SKAP2: variants seen among roughly 807,000 people sequenced by gnomAD.
SKAP2 encodes src kinase associated phosphoprotein 2, also known as src kinase-associated phosphoprotein 2.
A neutral mutation model predicts 54.9 loss-of-function variants in SKAP2; 28 were observed. The ratio of observed to expected loss-of-function variants is 0.51; its 90% confidence interval spans 0.38 to 0.70. The LOEUF (loss-of-function observed/expected upper bound fraction) is 0.70, where lower values mean the gene tolerates loss of function less well. Among genes scored for constraint, SKAP2 ranks in the 30% least tolerant of loss-of-function variants. SKAP2 has a pLI of 0.00. For synonymous variants in SKAP2, 137 were observed against 134.3 expected (o/e 1.02, Z -0.14); for missense variants, 356 against 424.1 (o/e 0.84, Z 1.41).
intron 6 of SKAP2, among the ~76,000 whole-genome samples, chr7:26,728,104 G>A (rs976604364): frequency 2.6e-5 from 4 of 152,000 alleles, no homozygotes; most frequent in Non-Finnish European, 5.9e-5. Flanking sequence ...CTCAGTTCCT[G>A]GGAAACTCTA....
intron 4 of SKAP2, among the ~76,000 whole-genome samples, chr7:26,831,107 C>G (rs987928410): frequency 6.6e-6 from 1 of 152,014 alleles, no homozygotes; most frequent in Non-Finnish European, 1.5e-5. Flanking sequence ...TAATGCAGTC[C>G]AAACTCATTC....
At chr7:26,691,969 G>C (rs890245753) in intron 9 of SKAP2, among the ~76,000 whole-genome samples, 3 of 152,044 alleles carry the variant, frequency 2.0e-5, no homozygotes, top group Non-Finnish European at 4.4e-5. Context: ...AAGAGCCTTC[G>C]AAGGTTTTTT....
chr7:26,766,770 T>C (rs1783066115), intron 4 of SKAP2, among the ~76,000 whole-genome samples: 1 of 152,216 alleles, frequency 6.6e-6, no homozygotes, highest in Non-Finnish European at 1.5e-5. Context: ...TGGATTATGT[T>C]TATTGATTTG....
At chr7:26,845,622 T>C (rs1784905001) in intron 3 of SKAP2, among the ~76,000 whole-genome samples, 1 of 152,204 alleles carries the variant, frequency 6.6e-6, no homozygotes, top group African/African-American at 2.4e-5. Flanking sequence ...TCCCTTACAA[T>C]ATTTCTCTTA....
chr7:26,683,223 C>G (rs1192794913), intron 11 of SKAP2, among the ~76,000 whole-genome samples: 2 of 152,192 alleles, frequency 1.3e-5, no homozygotes, highest in African/African-American at 4.8e-5. Context: ...GGAGCTGAAA[C>G]TAATCAGTTT....
At chr7:26,758,348 T>C (rs559813679) in intron 4 of SKAP2, among the ~76,000 whole-genome samples, 1 of 152,318 alleles carries the variant, frequency 6.6e-6, no homozygotes, top group Non-Finnish European at 1.5e-5. Flanking sequence ...ATTAAAATCA[T>C]AGCCAGAAAA....
chr7:26,728,504 T>C (rs1347517393), intron 6 of SKAP2, among the ~76,000 whole-genome samples: 1 of 152,094 alleles, frequency 6.6e-6, no homozygotes, highest in Non-Finnish European at 1.5e-5. Flanking sequence ...TAGGAAACTA[T>C]TGGGAAAAAA....
chr7:26,750,748 A>C (rs939202393), intron 4 of SKAP2, among the ~76,000 whole-genome samples: 1 of 152,178 alleles, frequency 6.6e-6, no homozygotes, highest in Non-Finnish European at 1.5e-5. Flanking sequence ...CAAATTAGTA[A>C]TGGGGAAAAT....
intron 4 of SKAP2, among the ~76,000 whole-genome samples, chr7:26,836,783 T>C (rs1213219752): frequency 6.6e-6 from 1 of 152,178 alleles, no homozygotes; most frequent in Non-Finnish European, 1.5e-5. Flanking sequence ...GTGTGACGAT[T>C]CCTCAAGGAT....
intron 1 of SKAP2, chr7:26,857,413 T>A: frequency 1.0e-6 from 1 of 981,790 alleles, no homozygotes; most frequent in Non-Finnish European, 1.2e-6. Flanking sequence ...TTTTTAAGCT[T>A]TTGAAATCTA....
intron 4 of SKAP2, among the ~76,000 whole-genome samples, chr7:26,763,877 G>A (rs2127971949): frequency 6.6e-6 from 1 of 152,072 alleles, no homozygotes; most frequent in Admixed American, 6.6e-5. Flanking sequence ...GTAACACAAT[G>A]GTAACTACTT....
intron 9 of SKAP2, among the ~76,000 whole-genome samples, chr7:26,710,696 C>A (rs1456675255): frequency 1.3e-5 from 2 of 152,146 alleles, no homozygotes; most frequent in Admixed American, 6.5e-5. Context: ...GTAACAAATA[C>A]GCATTTTATC....
chr7:26,689,185 C>T (rs561697843), intron 10 of SKAP2, among the ~76,000 whole-genome samples: 26 of 152,222 alleles, frequency 1.7e-4, no homozygotes, highest in Admixed American at 5.9e-4. Flanking sequence ...CTTGTCCACC[C>T]GGCCTTGACA....
At chr7:26,743,381 C>T (rs778954257) in intron 4 of SKAP2, among the ~76,000 whole-genome samples, 3 of 152,026 alleles carry the variant, frequency 2.0e-5, no homozygotes, top group African/African-American at 7.2e-5. Flanking sequence ...GAAAGTTAAT[C>T]AGAAATGAAA....
At chr7:26,712,299 T>C (rs1315258017) in intron 9 of SKAP2, among the ~76,000 whole-genome samples, 2 of 152,228 alleles carry the variant, frequency 1.3e-5, no homozygotes, top group Admixed American at 1.3e-4. Context: ...AAATTAGGAA[T>C]ATTCAATCTG....
chr7:26,758,646 A>C (rs897965981), intron 4 of SKAP2, among the ~76,000 whole-genome samples: 13 of 152,182 alleles, frequency 8.5e-5, no homozygotes, highest in African/African-American at 3.1e-4. Flanking sequence ...CAACTCACTG[A>C]AAAGCTTTCC....
At chr7:26,785,563 G>A (rs1783527681) in intron 4 of SKAP2, among the ~76,000 whole-genome samples, 1 of 152,046 alleles carries the variant, frequency 6.6e-6, no homozygotes, top group Admixed American at 6.5e-5. Context: ...ATAAATGGAG[G>A]CCCACAGAGC....
intron 4 of SKAP2, among the ~76,000 whole-genome samples, chr7:26,816,391 G>T (rs945354944): frequency 1.3e-5 from 2 of 151,898 alleles, no homozygotes; most frequent in Non-Finnish European, 2.9e-5. Flanking sequence ...AATACATACA[G>T]CTGTTTTGTA....
At chr7:26,842,817 GCT>G (rs1380132329) in intron 4 of SKAP2, among the ~76,000 whole-genome samples, 6 of 151,846 alleles carry the variant, frequency 4.0e-5, no homozygotes, top group African/African-American at 1.4e-4. Flanking sequence ...AAAGGGTAAT[GCT>G]CTGTTTTGGT....
Sources: gnomAD v4.1 joint callset for allele counts (sites outside exome capture counted in the v4.1 genomes callset) on GRCh38, gnomAD v4.1.1 for gene constraint, MANE v1.5 for transcripts, NCBI Gene and HGNC (gene_info 2026-07-23, HGNC 2026-07-21) for gene names.